MAP7: variants seen among roughly 807,000 people sequenced by gnomAD.
MAP7 encodes ensconsin.
MAP7 carries 52 observed loss-of-function variants against 94.8 expected under a neutral mutation model. The observed-to-expected ratio is 0.55, with a 90% CI of 0.44 to 0.69. MAP7 has a LOEUF of 0.69. MAP7 is among the 30% of genes least tolerant of loss of function. The pLI is 0.00. For missense variants in MAP7, 940 were observed against 964.6 expected (o/e 0.97, Z 0.34); for synonymous variants, 350 against 357.0 (o/e 0.98, Z 0.22).
rs543560595 is a variant in MAP7 at position 136,495,600 on chromosome 6, A to ATTTCAGAT, written c.67+54734_67+54741dup. 4.9e-4 allele frequency among the ~76,000 whole-genome samples: 75 copies of ATTTCAGAT among 152,244 alleles called. No individual in the cohort carries two copies. In the East Asian group the frequency reaches 0.013, roughly 26 times the overall value. ...AGTTTCAGATTTTGGAGCATTTTGG[A>ATTTCAGAT]TTTCAGATTTTCAGATTAGGGTTAC... On this transcript the variant is annotated intron_variant, in intron 1 of 17. Transcript: ENST00000354570.
chr6:136,381,666 G>T (rs1436520236), intron 6 of MAP7, among the ~76,000 whole-genome samples: 1 of 152,020 alleles, frequency 6.6e-6, no homozygotes, highest in African/African-American at 2.4e-5. Context: ...GGAACTGATT[G>T]ACAGTTCTTT....
In MAP7 at chr6:136,451,945, C is replaced by T. The variant is rs577539441; in HGVS notation, c.68-30146G>A. On this transcript the variant is annotated intron_variant, in intron 1 of 17. Coordinates refer to ENST00000354570, the MANE Select transcript of MAP7 (RefSeq NM_003980.6). ...GGTGCAGTGGCTCACGCCTGTAATC[C>T]CAGCACTTTGGGAGGCTGAGGTGGG... Among the ~76,000 whole-genome samples the T allele has an allele frequency of 3.9e-5, 6 of 152,224 alleles. No homozygotes were observed. In the South Asian group the frequency reaches 1.2e-3, roughly 32 times the overall value.
At chr6:136,422,523 C>T (rs544788091) in intron 1 of MAP7, among the ~76,000 whole-genome samples, 20 of 152,332 alleles carry the variant, frequency 1.3e-4, no homozygotes, top group Middle Eastern at 6.8e-3. Context: ...AGAGGCCTAT[C>T]TGCCCACTTC....
rs1483983747 is a variant in MAP7 at position 136,505,273 on chromosome 6, GTGTGTATATATATATATA to G, written c.67+45051_67+45068del. 2.0e-3 allele frequency among the ~76,000 whole-genome samples: 142 copies of G among 69,846 alleles called. 1 individual carries two copies. The highest frequency in any genetic ancestry group is 6.5e-3 in the African/African-American group (118 of 18,196). The allele number at this position is 69,846 out of a possible 152,430, so 45.8% of individuals were successfully genotyped here. On this transcript the variant is annotated intron_variant, in intron 1 of 17. Coordinates refer to ENST00000354570, the MANE Select transcript of MAP7 (RefSeq NM_003980.6). ...GTAATGTGTGTGTGTGTGTGTGTGT[GTGTGTATATATATATATA>G]TATATATATATATATATATATAGTA...
intron 1 of MAP7, among the ~76,000 whole-genome samples, chr6:136,481,198 G>A (rs1191070899): frequency 1.3e-5 from 2 of 152,138 alleles, no homozygotes; most frequent in Non-Finnish European, 2.9e-5. Context: ...AACTACTATG[G>A]AGAACAGTAT....
At chr6:136,378,319 G>A (rs1268161419) in intron 6 of MAP7, among the ~76,000 whole-genome samples, 1 of 152,140 alleles carries the variant, frequency 6.6e-6, no homozygotes, top group Non-Finnish European at 1.5e-5. Flanking sequence ...GCAGGTTAAT[G>A]AAAGACGAGT....
At chr6:136,394,285 G>A (rs561602695) in intron 3 of MAP7, among the ~76,000 whole-genome samples, 69 of 152,118 alleles carry the variant, frequency 4.5e-4, no homozygotes, top group African/African-American at 1.6e-3. Context: ...GCCCGGCCAG[G>A]AAATTTTTTT....
chr6:136,489,497 T>G (rs1473042104), intron 1 of MAP7, among the ~76,000 whole-genome samples: 1 of 149,820 alleles, frequency 6.7e-6, no homozygotes, highest in Admixed American at 6.6e-5. Flanking sequence ...AATTCTTACC[T>G]CATTACAATG....
chr6:136,391,638 A>C (rs1780780669), intron 3 of MAP7, among the ~76,000 whole-genome samples: 1 of 144,946 alleles, frequency 6.9e-6, no homozygotes, highest in African/African-American at 2.7e-5. Flanking sequence ...TAAATCATAT[A>C]ATCTCTCAAA....
intron 12 of MAP7, 91 bp from the exon 13 acceptor site, chr6:136,360,889 G>A: frequency 1.3e-6 from 2 of 1,555,598 alleles, no homozygotes; most frequent in Non-Finnish European, 1.8e-6. Context: ...CGAGGTGGCG[G>A]ATGGAGAAGG....
chr6:136,529,294 A>AT (rs952117160), intron 1 of MAP7, among the ~76,000 whole-genome samples: 1 of 150,840 alleles, frequency 6.6e-6, no homozygotes. Flanking sequence ...TTTTTTTTGC[A>AT]TTTTTAGTAG....
intron 17 of MAP7, 31 bp downstream of exon 17, chr6:136,345,825 G>T (rs1193440770): frequency 6.5e-7 from 1 of 1,534,668 alleles, no homozygotes; most frequent in Non-Finnish European, 9.0e-7. Flanking sequence ...TATTTCTGAT[G>T]ACTACAGAAG....
intron 1 of MAP7, among the ~76,000 whole-genome samples, chr6:136,534,603 T>C (rs1430188854): frequency 6.6e-6 from 1 of 152,238 alleles, no homozygotes; most frequent in Non-Finnish European, 1.5e-5. Context: ...TCAATGATCA[T>C]AATCTTCATT....
At chr6:136,438,104 C>T (rs535323287) in intron 1 of MAP7, among the ~76,000 whole-genome samples, 29 of 152,246 alleles carry the variant, frequency 1.9e-4, no homozygotes, top group Non-Finnish European at 2.5e-4. Context: ...ACTGAAAACC[C>T]TTAACTGATA....
chr6:136,488,678 C>T (rs1047658330), intron 1 of MAP7, among the ~76,000 whole-genome samples: 3 of 151,968 alleles, frequency 2.0e-5, no homozygotes, highest in Non-Finnish European at 2.9e-5. Flanking sequence ...CTCTTGATCT[C>T]GTGATCTGCC....
chr6:136,382,589 A>G (rs1473307577), intron 6 of MAP7, among the ~76,000 whole-genome samples: 1 of 152,214 alleles, frequency 6.6e-6, no homozygotes, highest in Non-Finnish European at 1.5e-5. Flanking sequence ...TTAAAAAAAC[A>G]AAAGGAAAGA....
chr6:136,407,563 G>C (rs1371373373), intron 3 of MAP7, among the ~76,000 whole-genome samples: 3 of 152,172 alleles, frequency 2.0e-5, no homozygotes, highest in Non-Finnish European at 4.4e-5. Flanking sequence ...ACTCTTACCT[G>C]AAATAAGAGT....
intron 1 of MAP7, among the ~76,000 whole-genome samples, chr6:136,452,751 C>T (rs1309578569): frequency 6.6e-6 from 1 of 152,118 alleles, no homozygotes; most frequent in Non-Finnish European, 1.5e-5. Context: ...TAGGGTTTCA[C>T]CATGTTGGCC....
At chr6:136,475,720 T>A (rs576473035) in intron 1 of MAP7, 3 of 151,986 alleles carry the variant, frequency 2.0e-5, no homozygotes, top group African/African-American at 7.2e-5. Context: ...TACTTTTTAT[T>A]TTTTTTTAGG....
Sources: allele counts gnomAD v4.1 joint callset (sites outside exome capture counted in the v4.1 genomes callset), GRCh38; gene constraint gnomAD v4.1.1; transcripts MANE v1.5; gene names NCBI Gene and HGNC (gene_info 2026-07-23, HGNC 2026-07-21).